Variants in CADPS observed in about 807,000 individuals in gnomAD.
The protein encoded by CADPS is calcium dependent secretion activator.
Under a neutral mutation model 167.3 loss-of-function variants are expected in CADPS, and 57 were observed. That is an observed-to-expected ratio of 0.34 (90% CI 0.28 to 0.42). The LOEUF (loss-of-function observed/expected upper bound fraction) is 0.42, where lower values mean the gene tolerates loss of function less well. CADPS is among the 20% of genes least tolerant of loss of function. The pLI is 1.00. For synonymous variants in CADPS, 676 were observed against 635.3 expected (o/e 1.06, Z -0.96); for missense variants, 1,414 against 1,738.1 (o/e 0.81, Z 3.32).
intron 28 of CADPS, among the ~76,000 whole-genome samples, chr3:62,413,322 T>C (rs929740837): frequency 1.3e-5 from 2 of 152,130 alleles, no homozygotes; most frequent in African/African-American, 4.8e-5. Flanking sequence ...TACGCCCACA[T>C]TGATGTTCAT....
chr3:62,724,109 T>G (rs921844115), intron 3 of CADPS, among the ~76,000 whole-genome samples: 2 of 152,198 alleles, frequency 1.3e-5, no homozygotes, highest in African/African-American at 2.4e-5. Context: ...GCTCAGGAGC[T>G]CCTCCAAAAC....
rs1286959448 is a variant in CADPS, at chr3:62,450,433, G to A, written c.3637-4636C>T. Among the ~76,000 whole-genome samples the A allele has an allele frequency of 2.6e-5, 4 of 152,334 alleles. No individual in the cohort carries two copies. The East Asian group carries it at 7.7e-4, about 29-fold the overall frequency. On this transcript the variant is annotated intron_variant, in intron 26 of 29. Transcript: ENST00000383710. ...AGACAAAGGGGAGGGGGTAGGGCTT[G>A]CCCCAGATACCTGGTCTGGCATCCC...
Position 62,561,183 on chromosome 3 carries a change from T to G in CADPS, c.1645-3670A>C, listed in dbSNP as rs188427232. ...TTAGGCTGTAAATATGTAGATTCTT[T>G]AAGTCAGACCAGAATCAGAATCTCA... On this transcript the variant is annotated intron_variant, in intron 9 of 29. Coordinates refer to ENST00000383710, the MANE Select transcript of CADPS (RefSeq NM_003716.4). Among the ~76,000 whole-genome samples, 273 of 152,130 alleles carry G rather than the reference T, an allele frequency of 1.8e-3. 2 individuals carry two copies. Among genetic ancestry groups the G allele is most frequent in the Middle Eastern group, 6.8e-3 (2 of 294 alleles).
chr3:62,708,080 A>G (rs1219719047), intron 3 of CADPS, among the ~76,000 whole-genome samples: 5 of 151,922 alleles, frequency 3.3e-5, no homozygotes, highest in Non-Finnish European at 7.4e-5. Context: ...CACTAACACC[A>G]TGGCCAGCTA....
rs1388955768 is a variant in CADPS at position 62,486,523 on chromosome 3, A to T, written c.3027-4654T>A. On this transcript the variant is annotated intron_variant, in intron 21 of 29. Transcript: ENST00000383710. ...ACATTAAAAAATACTTTTTATATGCATATCTGAGGCAGAGTGAGAAAGTGC... is the reference window on the plus strand; with the variant it reads ...ACATTAAAAAATACTTTTTATATGCTTATCTGAGGCAGAGTGAGAAAGTGC... 4.6e-5 allele frequency among the ~76,000 whole-genome samples: 7 copies of T among 152,080 alleles called. No homozygotes were observed. In the East Asian group the frequency reaches 1.3e-3, roughly 29 times the overall value.
chr3:62,837,195 G>T (rs1321772260), intron 1 of CADPS, among the ~76,000 whole-genome samples: 3 of 152,186 alleles, frequency 2.0e-5, no homozygotes, highest in African/African-American at 4.8e-5. Flanking sequence ...GGTGATGTTT[G>T]TATTCCCATC....
chr3:62,682,316 A>G (rs2077272356), intron 3 of CADPS, among the ~76,000 whole-genome samples: 1 of 152,080 alleles, frequency 6.6e-6, no homozygotes, highest in Admixed American at 6.5e-5. Flanking sequence ...CCTAGGAAGC[A>G]GTGAATCACT....
At chr3:62,589,270 C>G (rs1416693288) in intron 7 of CADPS, among the ~76,000 whole-genome samples, 1 of 152,194 alleles carries the variant, frequency 6.6e-6, no homozygotes, top group Non-Finnish European at 1.5e-5. Flanking sequence ...CAGCTGCTGC[C>G]CATGAAGATG....
chr3:62,471,616 C>T (rs2060630694), intron 24 of CADPS, among the ~76,000 whole-genome samples: 1 of 151,894 alleles, frequency 6.6e-6, no homozygotes, highest in Admixed American at 6.6e-5. Context: ...GAAACATGGC[C>T]GTCATTGAAT....
intron 3 of CADPS, among the ~76,000 whole-genome samples, chr3:62,674,633 C>A (rs986400770): frequency 6.6e-6 from 1 of 151,906 alleles, no homozygotes; most frequent in African/African-American, 2.4e-5. Flanking sequence ...GAGTAAGCGG[C>A]CAAATTCTCC....
intron 1 of CADPS, among the ~76,000 whole-genome samples, chr3:62,831,844 C>G (rs1017007531): frequency 3.9e-5 from 6 of 152,126 alleles, no homozygotes; most frequent in African/African-American, 1.4e-4. Context: ...TTGTATTAAA[C>G]CGTAGTACCA....
At chr3:62,591,381 G>C (rs1021135710) in intron 7 of CADPS, among the ~76,000 whole-genome samples, 2 of 152,292 alleles carry the variant, frequency 1.3e-5, no homozygotes, top group Admixed American at 6.5e-5. Flanking sequence ...GTCAGGAAAG[G>C]ACTCTCCAAG....
intron 1 of CADPS, among the ~76,000 whole-genome samples, chr3:62,828,090 G>T (rs116745959): frequency 9.3e-4 from 142 of 152,246 alleles, no homozygotes; most frequent in African/African-American, 3.3e-3. Flanking sequence ...CGGTAGCAAT[G>T]GTGGGTTCCC....
At chr3:62,488,921 C>T (rs771854523) in intron 21 of CADPS, among the ~76,000 whole-genome samples, 8 of 152,188 alleles carry the variant, frequency 5.3e-5, no homozygotes, top group East Asian at 1.9e-4. Flanking sequence ...AAAACACACA[C>T]GTATCTGCAT....
intron 3 of CADPS, among the ~76,000 whole-genome samples, chr3:62,678,096 C>G (rs999571258): frequency 1.3e-5 from 2 of 152,230 alleles, no homozygotes; most frequent in Admixed American, 6.5e-5. Flanking sequence ...TTCTAACACT[C>G]TGTCACAAGG....
intron 17 of CADPS, among the ~76,000 whole-genome samples, chr3:62,508,330 T>A (rs1163136345): frequency 6.6e-6 from 1 of 152,232 alleles, no homozygotes; most frequent in Non-Finnish European, 1.5e-5. Context: ...TTTTTCTAGC[T>A]GTCAATGACC....
At chr3:62,457,354 A>G (rs2058813483) in intron 26 of CADPS, among the ~76,000 whole-genome samples, 2 of 152,230 alleles carry the variant, frequency 1.3e-5, no homozygotes, top group South Asian at 4.1e-4. Flanking sequence ...ACCCCAGTGC[A>G]CACTGAAATA....
Position 62,444,236 on chromosome 3 carries a change from G to T in CADPS, c.3669+1529C>A, listed in dbSNP as rs2056842730. Among the ~76,000 whole-genome samples, 3 of 152,182 alleles carry T rather than the reference G, an allele frequency of 2.0e-5. No homozygotes were observed. In the South Asian group the frequency reaches 6.2e-4, roughly 32 times the overall value. ...AATTTCAATTTCTATCACTGTTGAA[G>T]ACCAGTGGAGCCCAACGCTGATGTC... On this transcript the variant is annotated intron_variant, in intron 27 of 29. Transcript: ENST00000383710.
At chr3:62,873,219 G>T (rs1253662279) in intron 1 of CADPS, among the ~76,000 whole-genome samples, 1 of 152,258 alleles carries the variant, frequency 6.6e-6, no homozygotes, top group African/African-American at 2.4e-5. Flanking sequence ...GCTGGGTGGT[G>T]TGTGTACACA....
Sources: allele counts gnomAD v4.1 joint callset (sites outside exome capture counted in the v4.1 genomes callset), GRCh38; gene constraint gnomAD v4.1.1; transcripts MANE v1.5; gene names NCBI Gene and HGNC (gene_info 2026-07-23, HGNC 2026-07-21).